The following PLCG2 variants were observed in gnomAD, a reference collection of about 807,000 sequenced individuals.
PLCG2 encodes phospholipase C gamma 2, also known as 1-phosphatidylinositol 4,5-bisphosphate phosphodiesterase gamma-2.
In PLCG2, 69 loss-of-function variants were observed where a neutral mutation model predicts 175.6. The ratio of observed to expected loss-of-function variants is 0.39; its 90% CI spans 0.32 to 0.48. The LOEUF (loss-of-function observed/expected upper bound fraction) is 0.48. PLCG2 is among the 20% of genes least tolerant of loss of function. The probability of loss-of-function intolerance (pLI) is 0.91; values close to 1 mark genes in which losing one functional copy is unlikely to be tolerated. For synonymous variants in PLCG2, 827 were observed against 624.0 expected (o/e 1.33, Z -4.85); for missense variants, 1,798 against 1,650.9 (o/e 1.09, Z -1.54).
At position 81,959,642 on chromosome 16, in the gene PLCG2, C is replaced by A. The variant is rs1476599770; in HGVS notation, c.*1644C>A. 1 of 190,124 alleles carries A rather than the reference C, an allele frequency of 5.3e-6. No individual in the cohort carries two copies. The highest frequency in any genetic ancestry group is 1.1e-5 in the Non-Finnish European group (1 of 90,652). 11.8% of individuals were successfully genotyped at this position (190,124 alleles called of 1,614,324 possible). A position where few individuals can be genotyped will look rare whatever the true frequency, so the allele number is the denominator to read the frequency against. On this transcript the variant is annotated 3_prime_UTR_variant, in exon 33 of 33. Coordinates refer to ENST00000564138, the MANE Select transcript of PLCG2 (RefSeq NM_002661.5). ...TGCTATTTTATTTGGCAGTCAGCAACTGAAGAAAGAACATTCCTCTTAGTG... is the reference window on the plus strand; with the variant it reads ...TGCTATTTTATTTGGCAGTCAGCAAATGAAGAAAGAACATTCCTCTTAGTG...
At chr16:81,937,652 T>G (rs1910769653) in intron 27 of PLCG2, 106 bp from the exon 28 acceptor site, 1 of 965,984 alleles carries the variant, frequency 1.0e-6, no homozygotes, top group Admixed American at 2.3e-5. Context: ...CTGCCTCACA[T>G]TAATTTGGGG....
At chr16:81,950,029 A>G (rs1911304894) in intron 31 of PLCG2, among the ~76,000 whole-genome samples, 1 of 152,174 alleles carries the variant, frequency 6.6e-6, no homozygotes, top group Admixed American at 6.5e-5. Context: ...AATAAGGAGG[A>G]AAAAAGGAGA....
chr16:81,889,300 T>C (rs763311299), intron 10 of PLCG2, 27 bp downstream of exon 10: 8 of 1,281,684 alleles, frequency 6.2e-6, no homozygotes, highest in African/African-American at 1.5e-5. Flanking sequence ...TGTTGTCGCT[T>C]GGGGGTGACT....
intron 1 of PLCG2, among the ~76,000 whole-genome samples, chr16:81,753,657 C>A (rs1909860245): frequency 6.6e-6 from 1 of 152,282 alleles, no homozygotes; most frequent in Middle Eastern, 3.4e-3. Context: ...GATCTCCCTG[C>A]CTTGGCCTCC....
In PLCG2 at chr16:81,870,391, A is replaced by G. The variant is rs11644646; in HGVS notation, c.565-461A>G. Among the ~76,000 whole-genome samples, 121 of 152,248 alleles carry G rather than the reference A, an allele frequency of 7.9e-4. 1 individual carries two copies. The highest frequency in any genetic ancestry group is 6.8e-3 in the Middle Eastern group (2 of 294). On this transcript the variant is annotated intron_variant, in intron 6 of 32. Coordinates refer to ENST00000564138, the MANE Select transcript of PLCG2 (RefSeq NM_002661.5). ...GGAGCTGAGTTCTGTCTGACTCCCA[A>G]TGCTTTACAAAATGACCTATATGTA...
intron 25 of PLCG2, among the ~76,000 whole-genome samples, chr16:81,933,726 CCAAA>C (rs946962900): frequency 6.6e-6 from 1 of 152,186 alleles, no homozygotes; most frequent in Admixed American, 6.5e-5. Flanking sequence ...TAAGCACCCC[CCAAA>C]CAGTCACCAT....
At chr16:81,836,113 C>G (rs1905502879) in intron 2 of PLCG2, among the ~76,000 whole-genome samples, 1 of 152,178 alleles carries the variant, frequency 6.6e-6, no homozygotes, top group Non-Finnish European at 1.5e-5. Context: ...CCAGGGCCAC[C>G]AAGGACAAGA....
intron 1 of PLCG2, chr16:81,783,278 C>T: frequency 3.4e-6 from 1 of 290,708 alleles, no homozygotes; most frequent in Non-Finnish European, 6.7e-6. Context: ...GGGTCAAATC[C>T]AGTTTCAGCT....
At chr16:81,908,312 A>C in intron 16 of PLCG2, 104 bp from the exon 17 acceptor site, 2 of 1,063,536 alleles carry the variant, frequency 1.9e-6, no homozygotes, top group East Asian at 2.5e-5. Flanking sequence ...TGGCCTCTCT[A>C]TGTTATCTGG....
chr16:81,762,899 A>G (rs1472781469), intron 2 of PLCG2, among the ~76,000 whole-genome samples: 1 of 152,074 alleles, frequency 6.6e-6, no homozygotes, highest in Non-Finnish European at 1.5e-5. Context: ...CTCTACAAAC[A>G]AATTTTTAAT....
chr16:81,960,213 T>G lies in PLCG2; in HGVS notation c.*2215T>G, dbSNP rs1307342154. On this transcript the variant is annotated 3_prime_UTR_variant, in exon 33 of 33. Coordinates refer to ENST00000564138, the MANE Select transcript of PLCG2 (RefSeq NM_002661.5). ...CACGTTAATCTGGTTCTTGGTGGTG[T>G]TAGGGACTGATTCTCTCAGGAAAGG... The G allele has an allele frequency of 1.4e-5, 3 of 220,582 alleles. No homozygotes were observed. The highest frequency in any genetic ancestry group is 2.7e-5 in the Non-Finnish European group (3 of 110,062). The allele number at this position is 220,582 out of a possible 1,614,324, so 13.7% of individuals were successfully genotyped here.
intron 2 of PLCG2, among the ~76,000 whole-genome samples, chr16:81,794,672 G>T (rs1013591696): frequency 1.3e-5 from 2 of 152,176 alleles, no homozygotes; most frequent in East Asian, 3.8e-4. Flanking sequence ...AGTAAATGAC[G>T]TGATATATGT....
intron 2 of PLCG2, among the ~76,000 whole-genome samples, chr16:81,842,058 A>G (rs945196461): frequency 9.2e-5 from 14 of 152,236 alleles, no homozygotes; most frequent in Non-Finnish European, 1.5e-4. Flanking sequence ...TGACAACTCA[A>G]TGATAAGCAT....
intron 3 of PLCG2, 117 bp from the exon 4 acceptor site, chr16:81,858,146 A>G: frequency 1.3e-6 from 1 of 767,088 alleles, no homozygotes; most frequent in South Asian, 1.5e-5. Flanking sequence ...GCCTTCTGCA[A>G]AACTAGAAAC....
At chr16:81,873,268 C>G (rs908001174) in intron 7 of PLCG2, among the ~76,000 whole-genome samples, 1 of 152,176 alleles carries the variant, frequency 6.6e-6, no homozygotes, top group Non-Finnish European at 1.5e-5. Context: ...GGTTATAAAA[C>G]TTTTAATACT....
intron 2 of PLCG2, among the ~76,000 whole-genome samples, chr16:81,800,082 G>T (rs1299980381): frequency 6.6e-6 from 1 of 152,098 alleles, no homozygotes; most frequent in East Asian, 1.9e-4. Context: ...GGATAATAAT[G>T]GTACCTATTA....
chr16:81,931,349 G>A lies in PLCG2; in HGVS notation c.2582-148G>A, dbSNP rs572276533. 231 of 648,512 alleles carry A rather than the reference G, an allele frequency of 3.6e-4. 5 individuals are homozygous for A. In the South Asian group the frequency reaches 3.8e-3, roughly 11 times the overall value. The allele number at this position is 648,512 out of a possible 1,614,324, so 40.2% of individuals were successfully genotyped here. ...GTCATCTGTGATGTGTACTTACCCC[G>A]ATGGAAAGTAGACGTCCCCATCAGT... On this transcript the variant is annotated intron_variant, in intron 24 of 32. Transcript: ENST00000564138.
chr16:81,758,348 CTGAG>C (rs1243673290), intron 2 of PLCG2, among the ~76,000 whole-genome samples: 8 of 152,142 alleles, frequency 5.3e-5, no homozygotes, highest in Admixed American at 6.6e-5. Flanking sequence ...CTTTTTATTG[CTGAG>C]TAATATTCCA....
At chr16:81,838,517 C>T in intron 2 of PLCG2, among the ~76,000 whole-genome samples, 1 of 152,048 alleles carries the variant, frequency 6.6e-6, no homozygotes, top group East Asian at 1.9e-4. Flanking sequence ...GAACAGAAAA[C>T]CAAACGCCGC....
Sources: gnomAD v4.1 joint callset for allele counts (sites outside exome capture counted in the v4.1 genomes callset) on GRCh38, gnomAD v4.1.1 for gene constraint, MANE v1.5 for transcripts, NCBI Gene and HGNC (gene_info 2026-07-23, HGNC 2026-07-21) for gene names.